The following NOS1AP variants were observed in gnomAD, a reference collection of about 807,000 sequenced individuals.
NOS1AP encodes nitric oxide synthase 1 adaptor protein, also known as carboxyl-terminal PDZ ligand of neuronal nitric oxide synthase protein.
A neutral mutation model predicts 56.2 loss-of-function variants in NOS1AP; 21 were observed. The ratio of observed to expected loss-of-function variants is 0.37; its 90% CI spans 0.26 to 0.54. The LOEUF (loss-of-function observed/expected upper bound fraction) is 0.54. Among genes scored for constraint, NOS1AP ranks in the 20% least tolerant of loss-of-function variants. The pLI, the probability that NOS1AP is intolerant of heterozygous loss-of-function variation, is 0.84. For missense variants in NOS1AP, 522 were observed against 657.8 expected, an observed-to-expected ratio of 0.79 and a Z score of 2.26; for synonymous variants, 270 against 274.6, an observed-to-expected ratio of 0.98 and a Z score of 0.17.
chr1:162,268,279 A>C (rs990698698), intron 2 of NOS1AP, among the ~76,000 whole-genome samples: 2 of 146,652 alleles, frequency 1.4e-5, no homozygotes, highest in African/African-American at 5.1e-5. Context: ...AAAAGATCTT[A>C]AGTCTTTATA....
intron 1 of NOS1AP, among the ~76,000 whole-genome samples, chr1:162,111,089 A>G (rs925570620): frequency 2.6e-5 from 4 of 152,214 alleles, no homozygotes; most frequent in Non-Finnish European, 4.4e-5. Flanking sequence ...AGTAAACAAG[A>G]TATTTTTAGG....
At chr1:162,211,149 G>A (rs1270461831) in intron 2 of NOS1AP, among the ~76,000 whole-genome samples, 2 of 152,304 alleles carry the variant, frequency 1.3e-5, no homozygotes, top group African/African-American at 2.4e-5. Context: ...AGAGCCAGCA[G>A]GCTTCTTGGG....
intron 2 of NOS1AP, among the ~76,000 whole-genome samples, chr1:162,281,023 T>TA (rs1654908051): frequency 6.6e-6 from 1 of 152,192 alleles, no homozygotes; most frequent in African/African-American, 2.4e-5. Flanking sequence ...GGAAGCTGGG[T>TA]AGCCCACAGA....
intron 2 of NOS1AP, among the ~76,000 whole-genome samples, chr1:162,158,925 A>T (rs984134737): frequency 1.3e-5 from 2 of 152,174 alleles, no homozygotes; most frequent in Non-Finnish European, 2.9e-5. Flanking sequence ...TTAAATTGAA[A>T]CATGTTTTTA....
At chr1:162,298,977 A>G (rs1178351640) in intron 3 of NOS1AP, among the ~76,000 whole-genome samples, 2 of 152,264 alleles carry the variant, frequency 1.3e-5, no homozygotes, top group East Asian at 1.9e-4. Flanking sequence ...ATATGTGGTC[A>G]CGGCTATAGA....
chr1:162,297,512 G>A (rs1655503895), intron 3 of NOS1AP, among the ~76,000 whole-genome samples: 1 of 152,154 alleles, frequency 6.6e-6, no homozygotes, highest in Admixed American at 6.5e-5. Flanking sequence ...AGAGGAGTGT[G>A]TGGTGTGTGA....
At chr1:162,172,555 G>A (rs1201603833) in intron 2 of NOS1AP, among the ~76,000 whole-genome samples, 1 of 152,204 alleles carries the variant, frequency 6.6e-6, no homozygotes, top group Non-Finnish European at 1.5e-5. Context: ...TGGCCTACAG[G>A]AATAATCTTG....
chr1:162,343,650 T>C (rs1657180812), intron 5 of NOS1AP, among the ~76,000 whole-genome samples, 185 bp from the exon 6 acceptor site: 1 of 152,272 alleles, frequency 6.6e-6, no homozygotes, highest in Admixed American at 6.5e-5. Flanking sequence ...GTTTCAGCAC[T>C]GTGGTGACAG....
intron 4 of NOS1AP, among the ~76,000 whole-genome samples, chr1:162,327,003 AAT>A (rs1247908530): frequency 1.3e-5 from 2 of 152,230 alleles, no homozygotes; most frequent in Admixed American, 6.5e-5. Context: ...AAAAGTATAC[AAT>A]ATGGAAAGCA....
intron 2 of NOS1AP, among the ~76,000 whole-genome samples, chr1:162,219,437 T>C (rs1389105273): frequency 6.6e-6 from 1 of 152,192 alleles, no homozygotes; most frequent in Non-Finnish European, 1.5e-5. Context: ...TAAACAGCTA[T>C]CATGTATTAC....
At position 162,367,166 on chromosome 1, in the gene NOS1AP, G is replaced by A; in HGVS notation, c.1220G>A (p.Gly407Asp). 6.2e-7 allele frequency: 1 copy of A among 1,613,796 alleles called. No homozygotes were observed. Among genetic ancestry groups the A allele is most frequent in the East Asian group, 2.2e-5 (1 of 44,872 alleles). Residue 407 changes from glycine (G) to aspartate (D), a missense_variant, in exon 10 of 10, where the codon GGC (glycine) becomes GAC (aspartate). By Grantham distance (94) the Gly-to-Asp change is moderately conservative. Transcript: ENST00000361897. This position sits in a 1 kb window ranked among gnomAD's most constrained non-coding sequence, Gnocchi z 6.5. The stretch of plus-strand genomic sequence containing the variant: ...CTGCATTCGCCGCCGCTGGGCGCGG[G>A]CTTGGCTGACTTTGCCCACCCTGCG... ...EDLHSPPLGA[G>D]LADFAHPAGS...
At chr1:162,304,029 A>G (rs1655742105) in intron 4 of NOS1AP, among the ~76,000 whole-genome samples, 1 of 151,868 alleles carries the variant, frequency 6.6e-6, no homozygotes, top group Non-Finnish European at 1.5e-5. Context: ...TAGCTAAGAA[A>G]TCTGTACCTA....
At chr1:162,223,890 G>A (rs370594250) in intron 2 of NOS1AP, among the ~76,000 whole-genome samples, 5 of 152,168 alleles carry the variant, frequency 3.3e-5, no homozygotes, top group Non-Finnish European at 5.9e-5. Flanking sequence ...ATGTGCATAT[G>A]TATGTATATA....
At position 162,357,017 on chromosome 1, in the gene NOS1AP, T is replaced by G; in HGVS notation, c.820T>G (p.Ser274Ala). Residue 274 changes from serine (S) to alanine (A), a missense_variant, in exon 8 of 10, where the codon TCT becomes GCT. Physicochemically the swap from Ser to Ala is moderately conservative, Grantham distance 99. Transcript: ENST00000361897. ...CTCACCCAGGATGCTGCTCCCTTCT[T>G]CTTCCTCGAAGCCTCCAGGCCTGGG... ...TASPRMLLPS[S>A]SSKPPGLGTE... is the part of the protein sequence containing the mutation. The G allele has an allele frequency of 6.2e-7, 1 of 1,614,026 alleles. No homozygotes were observed. The highest frequency in any genetic ancestry group is 2.2e-5 in the East Asian group (1 of 44,872).
intron 2 of NOS1AP, among the ~76,000 whole-genome samples, chr1:162,235,093 A>G (rs1462995171): frequency 5.9e-5 from 9 of 152,174 alleles, no homozygotes; most frequent in African/African-American, 1.9e-4. Context: ...GTGAAGAAGA[A>G]ATGTAGTACA....
chr1:162,080,807 C>G (rs1246595872), intron 1 of NOS1AP, among the ~76,000 whole-genome samples: 1 of 152,200 alleles, frequency 6.6e-6, no homozygotes, highest in Non-Finnish European at 1.5e-5. Context: ...ATTATAATTA[C>G]TGTCATTTAG....
At chr1:162,284,875 A>C (rs1416098629) in intron 2 of NOS1AP, among the ~76,000 whole-genome samples, 1 of 152,198 alleles carries the variant, frequency 6.6e-6, no homozygotes, top group Non-Finnish European at 1.5e-5. Flanking sequence ...GAGGTGGACA[A>C]AGCAAGAAAG....
intron 4 of NOS1AP, among the ~76,000 whole-genome samples, chr1:162,330,007 G>A (rs1040999388): frequency 6.6e-6 from 1 of 152,224 alleles, no homozygotes; most frequent in African/African-American, 2.4e-5. Flanking sequence ...TATCTGTTAA[G>A]GTTAAGTTAA....
Position 162,366,957 on chromosome 1 carries a change from G to T in NOS1AP, c.1106-95G>T. On this transcript the variant is annotated intron_variant, in intron 9 of 9. Transcript: ENST00000361897. Reference sequence around the variant, plus strand: ...GGTGCTGCTAAGCTGGTCTGGGAAGGGCTTTGGCAGGGCACGGGCGGGCAG... The same window carrying T: ...GGTGCTGCTAAGCTGGTCTGGGAAGTGCTTTGGCAGGGCACGGGCGGGCAG... The T allele has an allele frequency of 4.2e-6, 6 of 1,442,446 alleles. No individual in the cohort carries two copies. The South Asian group carries it at 4.6e-5, about 11-fold the overall frequency. 89.4% of individuals were successfully genotyped at this position (1,442,446 alleles called of 1,614,324 possible). A position where few individuals can be genotyped will look rare whatever the true frequency, so the allele number is the denominator to read the frequency against.
Sources: allele counts gnomAD v4.1 joint callset (sites outside exome capture counted in the v4.1 genomes callset), GRCh38; gene constraint gnomAD v4.1.1; non-coding constraint Gnocchi (gnomAD v3.1); transcripts MANE v1.5; gene names NCBI Gene and HGNC (gene_info 2026-07-23, HGNC 2026-07-21).